MUC3A: variants seen among roughly 807,000 people sequenced by gnomAD.
The protein encoded by MUC3A is mucin 3A, cell surface associated.
A neutral mutation model predicts 109.0 loss-of-function variants in MUC3A; 109 were observed. The ratio of observed to expected loss-of-function variants is 1.00; its 90% CI spans 0.86 to 1.17. The LOEUF (loss-of-function observed/expected upper bound fraction) is 1.17. Among genes scored for constraint, MUC3A ranks in the 50% most tolerant of loss-of-function variants. The pLI, the probability that MUC3A is intolerant of heterozygous loss-of-function variation, is 0.00. For synonymous variants in MUC3A, 1,398 were observed against 981.4 expected (o/e 1.42, Z -7.93); for missense variants, 3,537 against 2,469.4 (o/e 1.43, Z -9.16).
At chr7:100,965,514 A>C in intron 7 of MUC3A, 167 bp downstream of exon 7, 1 of 1,420,932 alleles carries the variant, frequency 7.0e-7, no homozygotes, top group Non-Finnish European at 9.5e-7. Context: ...ACCTGAGGAC[A>C]GCAGGGGCCA....
Position 100,955,196 on chromosome 7 carries a change from G to C in MUC3A, c.3417G>C (p.Leu1139Phe). The C allele has an allele frequency of 2.1e-6, 1 of 480,826 alleles. No homozygotes were observed. The highest frequency in any genetic ancestry group is 2.2e-5 in the South Asian group (1 of 44,846). The allele number at this position is 480,826 out of a possible 1,614,324, so 29.8% of individuals were successfully genotyped here. Residue 1139 changes from leucine (L) to phenylalanine (F), a missense_variant, in exon 2 of 12, where the codon TTG becomes TTC. Physicochemically the swap from Leu to Phe is conservative, Grantham distance 22. Coordinates refer to ENST00000379458, the MANE Select transcript of MUC3A (RefSeq NM_005960.2). ...CCACGATGACTCCTACCACAACCTT[G>C]ATAACCACCACCCCTAATACCACCT... ...ETATMTPTTT[L>F]ITTTPNTTSL...
chr7:100,963,661 T>G (rs1792419291), intron 4 of MUC3A, 27 bp from the exon 5 acceptor site: 1 of 1,598,286 alleles, frequency 6.3e-7, no homozygotes, highest in Non-Finnish European at 8.5e-7. Context: ...GGTTCGGACG[T>G]GAGCCCAGGG....
rs1213336066 is a variant in MUC3A, at chr7:100,967,985, T to C, written c.*823T>C. 3 of 133,560 alleles carry C rather than the reference T, an allele frequency of 2.2e-5. No individual in the cohort carries two copies. Among genetic ancestry groups the C allele is most frequent in the African/African-American group, 8.9e-5 (3 of 33,638 alleles). 8.3% of individuals were successfully genotyped at this position (133,560 alleles called of 1,614,324 possible). ...CCCCTGACCTAAATACCCCAGCTGC[T>C]GTTCCCCCCATCACCCTGCTGCCCA... On this transcript the variant is annotated 3_prime_UTR_variant, in exon 12 of 12. Transcript: ENST00000379458.
Position 100,957,373 on chromosome 7 carries a change from C to T in MUC3A, c.5594C>T (p.Thr1865Ile), listed in dbSNP as rs1264231966. ...ACCTATTCCACCAATATGACAGGTA[C>T]ATTGTCCACTGTGACCTCTCTTCGA... ...RTTYSTNMTGTLSTVTSLRPT... is the reference protein window; with the variant it reads ...RTTYSTNMTGILSTVTSLRPT... The change falls in exon 2 of 12, where the codon ACA (threonine) becomes ATA (isoleucine). Residue 1865 changes from threonine to isoleucine, a missense_variant. Thr to Ile is a moderately conservative substitution (Grantham distance 89). Coordinates refer to ENST00000379458, the MANE Select transcript of MUC3A (RefSeq NM_005960.2). 1.5e-6 allele frequency: 1 copy of T among 670,808 alleles called. No individual in the cohort carries two copies. Among genetic ancestry groups the T allele is most frequent in the Non-Finnish European group, 2.6e-6 (1 of 391,984 alleles). 41.6% of individuals were successfully genotyped at this position (670,808 alleles called of 1,614,324 possible).
rs1171031869 is a variant in MUC3A at position 100,962,231 on chromosome 7, CAAAAAAAAAAAAAAAAAA to C, written c.9053-901_9053-884del. 2.0e-4 allele frequency among the ~76,000 whole-genome samples: 3 copies of C among 15,032 alleles called. 1 individual carries two copies. Among genetic ancestry groups the C allele is most frequent in the African/African-American group, 6.3e-4 (3 of 4,742 alleles). 9.9% of individuals were successfully genotyped at this position (15,032 alleles called of 152,430 possible). On this transcript the variant is annotated intron_variant, in intron 3 of 11. Coordinates refer to ENST00000379458, the MANE Select transcript of MUC3A (RefSeq NM_005960.2). ...TGGGCGACAGAGCGAGACTCCGTCT[CAAAAAAAAAAAAAAAAAA>C]AAAAAAAAAAAAAAAAAACTTACCT...
In MUC3A at chr7:100,958,082, G is replaced by GATCGTC; in HGVS notation, c.6304_6305insTCGTCA (p.Glu2101_Thr2102insIleVal). On this transcript the variant is annotated inframe_insertion, in exon 2 of 12. Transcript: ENST00000379458. Reference sequence around the variant, plus strand: ...TCACTTCTTCAATCACCACCACTGAGACCACCTCACACAGTACTCCCAGCT... The same window carrying GATCGTC: ...TCACTTCTTCAATCACCACCACTGAGATCGTCACCACCTCACACAGTACTCCCAGCT... 1 of 1,368,462 alleles carries GATCGTC rather than the reference G, an allele frequency of 7.3e-7. No homozygotes were observed. Among genetic ancestry groups the GATCGTC allele is most frequent in the Non-Finnish European group, 1.0e-6 (1 of 972,058 alleles). 84.8% of individuals were successfully genotyped at this position (1,368,462 alleles called of 1,614,324 possible). A position where few individuals can be genotyped will look rare whatever the true frequency, so the allele number is the denominator to read the frequency against.
At position 100,954,094 on chromosome 7, in the gene MUC3A, A is replaced by G. The variant is rs933695519; in HGVS notation, c.2315A>G (p.His772Arg). 9.1e-3 allele frequency: 5,231 copies of G among 576,150 alleles called. 1 individual carries two copies. The highest frequency in any genetic ancestry group is 0.059 in the Middle Eastern group (217 of 3,702). The allele number at this position is 576,150 out of a possible 1,614,324, so 35.7% of individuals were successfully genotyped here. A position where few individuals can be genotyped will look rare whatever the true frequency, so the allele number is the denominator to read the frequency against. ...LVTTTTKTTS[H>R]STTSFTSSTV... The stretch of plus-strand genomic sequence containing the variant: ...ACCACCACCACCAAGACCACCTCAC[A>G]TAGTACCACCAGCTTCACTTCTTCA... The change falls in exon 2 of 12, where the codon CAT becomes CGT. Residue 772 changes from histidine (H) to arginine (R), a missense_variant. His to Arg is a conservative substitution (Grantham distance 29). Transcript: ENST00000379458.
At position 100,956,112 on chromosome 7, in the gene MUC3A, T is replaced by C. The variant is rs1792089645; in HGVS notation, c.4333T>C (p.Leu1445=). 1 of 442,042 alleles carries C rather than the reference T, an allele frequency of 2.3e-6. No individual in the cohort carries two copies. Among genetic ancestry groups the C allele is most frequent in the African/African-American group, 2.0e-5 (1 of 49,332 alleles). 27.4% of individuals were successfully genotyped at this position (442,042 alleles called of 1,614,324 possible). A position where few individuals can be genotyped will look rare whatever the true frequency, so the allele number is the denominator to read the frequency against. Residue 1445 remains leucine (L), a synonymous_variant, in exon 2 of 12, where the codon TTG becomes CTG. Coordinates refer to ENST00000379458, the MANE Select transcript of MUC3A (RefSeq NM_005960.2). ...HTTNTNPVST[L]VTTLPITITR... ...CACAAACACCAATCCTGTATCCACG[T>C]TGGTGACTACACTCCCCATTACCAT... is the stretch of plus-strand genomic sequence containing the variant.
intron 4 of MUC3A, 45 bp downstream of exon 4, chr7:100,963,311 A>T (rs1392319582): frequency 1.1e-5 from 12 of 1,138,474 alleles, no homozygotes; most frequent in South Asian, 2.9e-5. Context: ...TTTGAGGTGT[A>T]GTCTCGCACT....
Position 100,959,941 on chromosome 7 carries a change from A to C in MUC3A, c.8162A>C (p.Asn2721Thr). Residue 2721 changes from asparagine (N) to threonine (T), a missense_variant, in exon 2 of 12, where the codon AAT becomes ACT. Transcript: ENST00000379458. ...TCACCATACATTTTCAGTACAGAAA[A>C]TGTGGGCTCCGCTTCTATCACAGGC... Reference protein sequence around the residue: ...PSSPYIFSTENVGSASITGFP... With the variant: ...PSSPYIFSTETVGSASITGFP... The C allele has an allele frequency of 2.0e-6, 3 of 1,511,132 alleles. No homozygotes were observed. Among genetic ancestry groups the C allele is most frequent in the Non-Finnish European group, 2.6e-6 (3 of 1,140,870 alleles). 93.6% of individuals were successfully genotyped at this position (1,511,132 alleles called of 1,614,324 possible).
chr7:100,955,217 C>A lies in MUC3A; in HGVS notation c.3438C>A (p.Thr1146=). 2 of 653,108 alleles carry A rather than the reference C, an allele frequency of 3.1e-6. No homozygotes were observed. The highest frequency in any genetic ancestry group is 2.7e-6 in the Non-Finnish European group (1 of 369,178). The allele number at this position is 653,108 out of a possible 1,614,324, so 40.5% of individuals were successfully genotyped here. The part of the protein sequence containing the change: ...TTTLITTTPN[T]TSLSTPSFTS... The stretch of plus-strand genomic sequence containing the variant: ...CCTTGATAACCACCACCCCTAATAC[C>A]ACCTCCCTTAGTACCCCCAGCTTCA... Residue 1146 remains threonine (T), a synonymous_variant, in exon 2 of 12, where the codon ACC becomes ACA. Transcript: ENST00000379458.
Position 100,953,791 on chromosome 7 carries a change from C to A in MUC3A, c.2012C>A (p.Thr671Lys). 2.3e-6 allele frequency: 1 copy of A among 437,512 alleles called. No individual in the cohort carries two copies. The highest frequency in any genetic ancestry group is 4.0e-6 in the Non-Finnish European group (1 of 250,586). The allele number at this position is 437,512 out of a possible 1,614,324, so 27.1% of individuals were successfully genotyped here. Reference sequence around the variant, plus strand: ...CTGACCAGTATGCCTCTGTCTTCTACACCTGTCCCAAGCACAGAAGTAGTC... The same window carrying A: ...CTGACCAGTATGCCTCTGTCTTCTAAACCTGTCCCAAGCACAGAAGTAGTC... ...TSLTSMPLSSTPVPSTEVVTS... is the reference protein window; with the variant it reads ...TSLTSMPLSSKPVPSTEVVTS... Residue 671 changes from threonine (T) to lysine (K), a missense_variant, in exon 2 of 12, where the codon ACA becomes AAA. Transcript: ENST00000379458.
Position 100,959,192 on chromosome 7 carries a change from TC to T in MUC3A, c.7416del (p.Thr2473HisfsTer3). The T allele has an allele frequency of 6.3e-7, 1 of 1,598,406 alleles. No individual in the cohort carries two copies. Among genetic ancestry groups the T allele is most frequent in the Non-Finnish European group, 8.5e-7 (1 of 1,179,790 alleles). On this transcript the variant is annotated frameshift_variant, in exon 2 of 12. Coordinates refer to ENST00000379458, the MANE Select transcript of MUC3A (RefSeq NM_005960.2). LOFTEE classifies it high-confidence loss of function. Reference sequence around the variant, plus strand: ...TTACTACCTCAGAGACTGCGGTGACTCCCACACCTGTAACCCCATCTTCTCT... The same window carrying T: ...TTACTACCTCAGAGACTGCGGTGACTCCACACCTGTAACCCCATCTTCTCT... ...HFTTSETAVT[P>X]TPVTPSSLST...
chr7:100,963,550 G>A (rs1584810257), intron 4 of MUC3A, 138 bp from the exon 5 acceptor site: 1 of 1,332,148 alleles, frequency 7.5e-7, no homozygotes, highest in Non-Finnish European at 1.0e-6. Context: ...CTCCCAAAGT[G>A]TTGGGATTAC....
rs781058334 is a variant in MUC3A at position 100,952,817 on chromosome 7, C to T, written c.1038C>T (p.Asp346=). The change falls in exon 2 of 12, where the codon GAC becomes GAT. Residue 346 remains aspartate, a synonymous_variant. Transcript: ENST00000379458. ...CTTCTCCCACCAGCACTGTCACAGA[C>T]TCCACTACCAAAATCGCCTACTCCA... ...YTTSPTSTVT[D]STTKIAYSTS... is the part of the protein sequence containing the mutation. The T allele has an allele frequency of 6.6e-7, 1 of 1,508,684 alleles. No individual in the cohort carries two copies. Among genetic ancestry groups the T allele is most frequent in the Non-Finnish European group, 8.8e-7 (1 of 1,134,050 alleles). 93.5% of individuals were successfully genotyped at this position (1,508,684 alleles called of 1,614,324 possible).
At position 100,967,231 on chromosome 7, in the gene MUC3A, TCA is replaced by T; in HGVS notation, c.*70_*71del. ...CACAAGGGTCTGCATTGCGTCCATT[TCA>T]AGAGGTGGCCCCAGGACGCGGGCAG... On this transcript the variant is annotated 3_prime_UTR_variant, in exon 12 of 12. Coordinates refer to ENST00000379458, the MANE Select transcript of MUC3A (RefSeq NM_005960.2). 6.3e-7 allele frequency: 1 copy of T among 1,591,224 alleles called. No homozygotes were observed. The highest frequency in any genetic ancestry group is 1.1e-5 in the South Asian group (1 of 90,374).
At chr7:100,965,040 G>T in intron 6 of MUC3A, 197 bp downstream of exon 6, 1 of 1,090,644 alleles carries the variant, frequency 9.2e-7, no homozygotes, top group Non-Finnish European at 1.3e-6. Context: ...TACTGGGAAA[G>T]AGACCCCCTG....
chr7:100,953,809 A>T lies in MUC3A; in HGVS notation c.2030A>T (p.Glu677Val), dbSNP rs1792032922. The T allele has an allele frequency of 1.4e-5, 6 of 438,648 alleles. No homozygotes were observed. The highest frequency in any genetic ancestry group is 2.4e-5 in the Non-Finnish European group (6 of 251,342). The allele number at this position is 438,648 out of a possible 1,614,324, so 27.2% of individuals were successfully genotyped here. A position where few individuals can be genotyped will look rare whatever the true frequency, so the allele number is the denominator to read the frequency against. ...PLSSTPVPST[E>V]VVTSGTINTI... ...TCTTCTACACCTGTCCCAAGCACAG[A>T]AGTAGTCACCAGTGGCACCATAAAC... is the stretch of plus-strand genomic sequence containing the variant. The change falls in exon 2 of 12, where the codon GAA (glutamate) becomes GTA (valine). Residue 677 changes from glutamate to valine, a missense_variant. Physicochemically the swap from Glu to Val is moderately radical, Grantham distance 121. Coordinates refer to ENST00000379458, the MANE Select transcript of MUC3A (RefSeq NM_005960.2).
rs1421231316 is a variant in MUC3A, at chr7:100,965,361, A to G, written c.9448+14A>G. 7.5e-6 allele frequency: 12 copies of G among 1,596,570 alleles called. No individual in the cohort carries two copies. The highest frequency in any genetic ancestry group is 6.7e-5 in the East Asian group (3 of 44,824). ...TGACCCCGGCAGGTAAGGGTGGGGT[A>G]AAGGGCTGAGTGGTCTCCCGCGGCT... On this transcript the variant is annotated intron_variant, in intron 7 of 11. Coordinates refer to ENST00000379458, the MANE Select transcript of MUC3A (RefSeq NM_005960.2).
Sources: gnomAD v4.1 joint callset for allele counts (sites outside exome capture counted in the v4.1 genomes callset) on GRCh38, gnomAD v4.1.1 for gene constraint, MANE v1.5 for transcripts, NCBI Gene and HGNC (gene_info 2026-07-23, HGNC 2026-07-21) for gene names.